SLC24A5: variants seen among roughly 807,000 people sequenced by gnomAD.
SLC24A5 encodes solute carrier family 24 member 5, also known as sodium/potassium/calcium exchanger 5.
A neutral mutation model predicts 51.6 loss-of-function variants in SLC24A5; 46 were observed. The ratio of observed to expected loss-of-function variants is 0.89; its 90% CI spans 0.70 to 1.14. SLC24A5 has a LOEUF of 1.14. SLC24A5 is among the 50% of genes most tolerant of loss of function. The pLI is 0.00. For missense variants in SLC24A5, 581 were observed against 604.1 expected (o/e 0.96, Z 0.40); for synonymous variants, 230 against 214.9 (o/e 1.07, Z -0.62).
chr15:48,126,345 C>T (rs1335981137), intron 2 of SLC24A5, among the ~76,000 whole-genome samples: 1 of 152,190 alleles, frequency 6.6e-6, no homozygotes, highest in African/African-American at 2.4e-5. Context: ...GTAATCCTAT[C>T]TTCTTTTTCT....
rs1167147265 is a variant in SLC24A5 at position 48,136,877 on chromosome 15, C to G, written c.785C>G (p.Ser262Ter). The part of the protein sequence containing the change: ...DEGQPFIRRQ[S>*]RTDSGIFYED... ...GGTCAACCATTCATTCGTCGGCAAT[C>G]AAGAACTGATAGTGGAATATTTTAT... Residue 262 changes from serine (S) to a stop codon, truncating the protein, a stop_gained, in exon 6 of 9, where the codon TCA becomes TGA. Transcript: ENST00000341459. LOFTEE classifies it high-confidence loss of function. 2 of 1,613,778 alleles carry G rather than the reference C, an allele frequency of 1.2e-6. No homozygotes were observed. The highest frequency in any genetic ancestry group is 1.7e-6 in the Non-Finnish European group (2 of 1,179,830).
Position 48,141,229 on chromosome 15 carries a change from C to T in SLC24A5, c.1180+15C>T. 6.4e-7 allele frequency: 1 copy of T among 1,566,684 alleles called. No individual in the cohort carries two copies. The highest frequency in any genetic ancestry group is 8.8e-7 in the Non-Finnish European group (1 of 1,137,274). ...TGCAAGAAAAGGTAAGAACTAGGTC[C>T]CTCAAGCTGCAATGGTCATTCTACA... On this transcript the variant is annotated intron_variant, in intron 8 of 8. Coordinates refer to ENST00000341459, the MANE Select transcript of SLC24A5 (RefSeq NM_205850.3).
chr15:48,140,669 A>G (rs1874779019), intron 7 of SLC24A5: 1 of 153,596 alleles, frequency 6.5e-6, no homozygotes, highest in Admixed American at 6.5e-5. Flanking sequence ...GTAGAACATA[A>G]TAAATGGTAT....
At chr15:48,127,054 T>G (rs977546114) in intron 2 of SLC24A5, among the ~76,000 whole-genome samples, 1 of 152,180 alleles carries the variant, frequency 6.6e-6, no homozygotes. Context: ...TGGAGCCAGA[T>G]AGCCCAGGTT....
intron 5 of SLC24A5, chr15:48,136,155 A>G (rs921613331): frequency 1.3e-5 from 2 of 152,118 alleles, no homozygotes; most frequent in African/African-American, 4.8e-5. Context: ...AATCATTAAA[A>G]ATGCTCTGTA....
chr15:48,129,545 G>C (rs2038767851), intron 2 of SLC24A5, among the ~76,000 whole-genome samples: 1 of 152,066 alleles, frequency 6.6e-6, no homozygotes, highest in Non-Finnish European at 1.5e-5. Context: ...TTTTAAAAAT[G>C]ATGCCACAGG....
intron 2 of SLC24A5, among the ~76,000 whole-genome samples, chr15:48,128,707 A>G (rs577740581): frequency 1.3e-5 from 2 of 152,186 alleles, no homozygotes; most frequent in Non-Finnish European, 2.9e-5. Flanking sequence ...CATTCTCCTA[A>G]GAGTATTTCA....
At position 48,142,650 on chromosome 15, in the gene SLC24A5, A is replaced by T; in HGVS notation, c.*299A>T. The T allele has an allele frequency of 2.2e-6, 1 of 451,458 alleles. No individual in the cohort carries two copies. The allele number at this position is 451,458 out of a possible 1,614,324, so 28.0% of individuals were successfully genotyped here. ...CAACTATGTAGTACTGAAAACAACA[A>T]GAAAATGGCTTATTTCATTAAAAAC... On this transcript the variant is annotated 3_prime_UTR_variant, in exon 9 of 9. Transcript: ENST00000341459.
intron 7 of SLC24A5, 145 bp from the exon 8 acceptor site, chr15:48,140,968 A>T (rs2039058748): frequency 5.2e-6 from 3 of 575,808 alleles, no homozygotes; most frequent in Non-Finnish European, 8.9e-6. Context: ...TTGCTAGCTA[A>T]AAAACTAATA....
intron 6 of SLC24A5, 88 bp from the exon 7 acceptor site, chr15:48,138,881 T>C (rs2038969206): frequency 1.0e-6 from 1 of 974,574 alleles, no homozygotes; most frequent in East Asian, 2.5e-5. Context: ...ATACAGCTAA[T>C]TTATTTCAAT....
intron 1 of SLC24A5, 151 bp from the exon 2 acceptor site, chr15:48,121,706 G>T: frequency 1.3e-6 from 1 of 780,944 alleles, no homozygotes; most frequent in Non-Finnish European, 2.1e-6. Context: ...CTACAACTGT[G>T]TTATATTCAG....
intron 2 of SLC24A5, among the ~76,000 whole-genome samples, chr15:48,130,161 T>TATC (rs2038775292): frequency 6.6e-6 from 1 of 152,182 alleles, no homozygotes; most frequent in Non-Finnish European, 1.5e-5. Flanking sequence ...ATTTCTACTA[T>TATC]ATCTTCCAGG....
chr15:48,137,000 G>C (rs775812510), intron 6 of SLC24A5, 37 bp downstream of exon 6: 1 of 1,553,930 alleles, frequency 6.4e-7, no homozygotes, highest in Admixed American at 1.9e-5. Flanking sequence ...AAGTCTATTC[G>C]CAAAGGAAAA....
intron 8 of SLC24A5, chr15:48,141,557 G>T: frequency 5.9e-6 from 1 of 170,796 alleles, no homozygotes; most frequent in African/African-American, 2.4e-5. Context: ...AGCAGCCTGG[G>T]CAACAGAGCG....
chr15:48,132,694 C>T (rs2038803576), intron 2 of SLC24A5, among the ~76,000 whole-genome samples: 1 of 152,050 alleles, frequency 6.6e-6, no homozygotes, highest in African/African-American at 2.4e-5. Flanking sequence ...AGAGCTCACT[C>T]TCTCATATGT....
At chr15:48,122,432 C>G (rs1303447411) in intron 2 of SLC24A5, 1 of 277,712 alleles carries the variant, frequency 3.6e-6, no homozygotes, top group African/African-American at 2.2e-5. Context: ...ACTCTAAGCT[C>G]GCTATAACTT....
chr15:48,138,483 T>A (rs2038957751), intron 6 of SLC24A5: 1 of 152,522 alleles, frequency 6.6e-6, no homozygotes, highest in Admixed American at 6.5e-5. Flanking sequence ...CACTAAGAAT[T>A]AGGATATGCG....
At position 48,121,988 on chromosome 15, in the gene SLC24A5, A is replaced by G; in HGVS notation, c.253A>G (p.Ile85Val). ...CGTTTACATGTTCATGGCCATATCTATTGTCTGTGATGAATACTTCCTACC... is the reference window on the plus strand; with the variant it reads ...CGTTTACATGTTCATGGCCATATCTGTTGTCTGTGATGAATACTTCCTACC... ...IIVYMFMAISIVCDEYFLPSL... is the reference protein window; with the variant it reads ...IIVYMFMAISVVCDEYFLPSL... The change falls in exon 2 of 9, where the codon ATT (isoleucine) becomes GTT (valine). Residue 85 changes from isoleucine (I) to valine (V), a missense_variant. Coordinates refer to ENST00000341459, the MANE Select transcript of SLC24A5 (RefSeq NM_205850.3). The G allele has an allele frequency of 6.2e-7, 1 of 1,614,124 alleles. No homozygotes were observed.
Position 48,134,991 on chromosome 15 carries a change from T to C in SLC24A5, c.590+7T>C. ...ATGACAACCAAGTTTACTGGTAAGC[T>C]TGAAAATAATTCTTATGTAAAAATT... is the stretch of plus-strand genomic sequence containing the variant. On this transcript the variant is annotated splice_region_variant and intron_variant, in intron 5 of 8. Coordinates refer to ENST00000341459, the MANE Select transcript of SLC24A5 (RefSeq NM_205850.3). 6.4e-7 allele frequency: 1 copy of C among 1,573,704 alleles called. No individual in the cohort carries two copies. Among genetic ancestry groups the C allele is most frequent in the South Asian group, 1.2e-5 (1 of 86,706 alleles).
Sources: gnomAD v4.1 joint callset for allele counts (sites outside exome capture counted in the v4.1 genomes callset) on GRCh38, gnomAD v4.1.1 for gene constraint, MANE v1.5 for transcripts, NCBI Gene and HGNC (gene_info 2026-07-23, HGNC 2026-07-21) for gene names.